SLC24A2: variants seen among roughly 807,000 people sequenced by gnomAD.
SLC24A2 encodes solute carrier family 24 member 2.
SLC24A2 carries 36 observed loss-of-function variants against 62.0 expected under a neutral mutation model. That is an observed-to-expected ratio of 0.58 (90% CI 0.44 to 0.77). SLC24A2 has a LOEUF of 0.77. Among genes scored for constraint, SLC24A2 ranks in the 30% least tolerant of loss-of-function variants. SLC24A2 has a pLI of 0.00. For synonymous variants in SLC24A2, 358 were observed against 294.0 expected (o/e 1.22, Z -2.23); for missense variants, 846 against 817.9 (o/e 1.03, Z -0.42).
rs150952315 is a variant in SLC24A2 at position 19,546,872 on chromosome 9, G to T, written c.1479+3265C>A. Among the ~76,000 whole-genome samples the T allele has an allele frequency of 1.6e-3, 242 of 152,326 alleles. 2 individuals carry two copies. The highest frequency in any genetic ancestry group is 5.6e-3 in the African/African-American group (234 of 41,558). On this transcript the variant is annotated intron_variant, in intron 8 of 10. Coordinates refer to ENST00000341998, the MANE Select transcript of SLC24A2 (RefSeq NM_020344.4). ...TTGCAAAGACTGTGGGAAAAGCACAGTGTCTGGGCCAGAGTGCACTGTTCC... is the reference window on the plus strand; with the variant it reads ...TTGCAAAGACTGTGGGAAAAGCACATTGTCTGGGCCAGAGTGCACTGTTCC...
intron 2 of SLC24A2, among the ~76,000 whole-genome samples, chr9:19,636,897 A>T (rs1034216565): frequency 6.6e-6 from 1 of 152,184 alleles, no homozygotes; most frequent in Non-Finnish European, 1.5e-5. Context: ...CCATGACCCT[A>T]AAAAGGTTAA....
the SLC24A2 span, among the ~76,000 whole-genome samples, chr9:20,165,032 C>T: frequency 6.7e-6 from 1 of 149,026 alleles, no homozygotes; most frequent in Admixed American, 6.7e-5. Flanking sequence ...ATACCTAATG[C>T]TAAATGACGA....
In SLC24A2 at chr9:19,509,321, A is replaced by G. The variant is rs1486309616; in HGVS notation, c.*6832T>C. On this transcript the variant is annotated 3_prime_UTR_variant, in exon 11 of 11. Coordinates refer to ENST00000341998, the MANE Select transcript of SLC24A2 (RefSeq NM_020344.4). ...TTTGATTTTCAAACAGTTTTATTAAAGCACACATCTAAAATGTATAAGTAG... is the reference window on the plus strand; with the variant it reads ...TTTGATTTTCAAACAGTTTTATTAAGGCACACATCTAAAATGTATAAGTAG... 6.6e-6 allele frequency: 1 copy of G among 152,202 alleles called. No homozygotes were observed. The highest frequency in any genetic ancestry group is 1.5e-5 in the Non-Finnish European group (1 of 68,020). The allele number at this position is 152,202 out of a possible 1,614,324, so 9.4% of individuals were successfully genotyped here.
At chr9:20,088,349 G>A in the SLC24A2 span, among the ~76,000 whole-genome samples, 6 of 152,208 alleles carry the variant, frequency 3.9e-5, no homozygotes, top group East Asian at 1.9e-4. Context: ...AGCCTTAGCC[G>A]TTATTGCCTT....
the SLC24A2 span, among the ~76,000 whole-genome samples, chr9:20,036,530 T>C: frequency 1.3e-5 from 2 of 152,212 alleles, no homozygotes; most frequent in Admixed American, 1.3e-4. Context: ...CATTCTGTTC[T>C]CTGCTTCTAT....
chr9:19,584,354 C>A (rs1305711496), intron 5 of SLC24A2, among the ~76,000 whole-genome samples: 1 of 151,602 alleles, frequency 6.6e-6, no homozygotes, highest in African/African-American at 2.4e-5. Flanking sequence ...ATGTACTGGG[C>A]TGTATTTGGT....
At chr9:20,167,827 C>T in the SLC24A2 span, among the ~76,000 whole-genome samples, 1 of 151,838 alleles carries the variant, frequency 6.6e-6, no homozygotes, top group Non-Finnish European at 1.5e-5. Context: ...TCAAGCAATC[C>T]TCCCACCTCA....
At chr9:19,893,332 G>T in the SLC24A2 span, among the ~76,000 whole-genome samples, 1 of 152,150 alleles carries the variant, frequency 6.6e-6, no homozygotes, top group East Asian at 1.9e-4. Context: ...TCCCAAGGCT[G>T]AACCATATCT....
At chr9:19,993,955 C>T in the SLC24A2 span, among the ~76,000 whole-genome samples, 1 of 152,182 alleles carries the variant, frequency 6.6e-6, no homozygotes, top group African/African-American at 2.4e-5. Flanking sequence ...GAGCATCCTT[C>T]CATCATTATC....
the SLC24A2 span, among the ~76,000 whole-genome samples, chr9:20,224,053 C>CA: frequency 6.6e-6 from 1 of 151,908 alleles, no homozygotes; most frequent in Non-Finnish European, 1.5e-5. Context: ...CTCACTATAA[C>CA]AAAAACAGCA....
At chr9:19,778,298 C>G (rs910613300) in intron 2 of SLC24A2, among the ~76,000 whole-genome samples, 1 of 152,130 alleles carries the variant, frequency 6.6e-6, no homozygotes, top group South Asian at 2.1e-4. Flanking sequence ...CCAGAAATGT[C>G]TGTATTGCTT....
the SLC24A2 span, among the ~76,000 whole-genome samples, chr9:19,898,758 A>G: frequency 3.3e-5 from 5 of 151,400 alleles, no homozygotes; most frequent in African/African-American, 4.8e-5. Context: ...AAAAAAAAAA[A>G]AAAAAAGAAT....
chr9:19,677,593 T>G (rs561801978), intron 2 of SLC24A2, among the ~76,000 whole-genome samples: 19 of 152,270 alleles, frequency 1.2e-4, no homozygotes, highest in African/African-American at 4.6e-4. Flanking sequence ...TTAAAAAGTT[T>G]TTCATTAGAA....
chr9:20,276,447 CT>C, the SLC24A2 span, among the ~76,000 whole-genome samples: 1 of 152,254 alleles, frequency 6.6e-6, no homozygotes, highest in South Asian at 2.1e-4. Flanking sequence ...AGCTCTGCCC[CT>C]GTGGCTTTGC....
chr9:19,522,987 A>G (rs1407696410), intron 9 of SLC24A2, among the ~76,000 whole-genome samples: 1 of 152,162 alleles, frequency 6.6e-6, no homozygotes, highest in Non-Finnish European at 1.5e-5. Flanking sequence ...AAACATTCTT[A>G]ATAATTAAAT....
At chr9:20,290,138 A>G in the SLC24A2 span, among the ~76,000 whole-genome samples, 3 of 152,174 alleles carry the variant, frequency 2.0e-5, no homozygotes, top group African/African-American at 7.2e-5. Context: ...GGCACTAGCT[A>G]TTCTCTGCTG....
At chr9:19,832,188 G>T in the SLC24A2 span, among the ~76,000 whole-genome samples, 5 of 152,170 alleles carry the variant, frequency 3.3e-5, no homozygotes, top group Admixed American at 3.3e-4. Flanking sequence ...CCCAGATTTT[G>T]GTCTGGTGAG....
chr9:20,257,466 T>C, the SLC24A2 span, among the ~76,000 whole-genome samples: 1 of 152,118 alleles, frequency 6.6e-6, no homozygotes, highest in Non-Finnish European at 1.5e-5. Flanking sequence ...CCAGATTCAT[T>C]AGTACTGCAG....
chr9:19,525,167 T>C (rs145790692), intron 9 of SLC24A2, among the ~76,000 whole-genome samples: 4 of 152,118 alleles, frequency 2.6e-5, no homozygotes, highest in African/African-American at 7.2e-5. Flanking sequence ...TTTGGAAATA[T>C]CCAGGAAGAG....
Sources: gnomAD v4.1 joint callset for allele counts (sites outside exome capture counted in the v4.1 genomes callset) on GRCh38, gnomAD v4.1.1 for gene constraint, MANE v1.5 for transcripts, NCBI Gene and HGNC (gene_info 2026-07-23, HGNC 2026-07-21) for gene names.